The following PPP1R37 variants were observed in gnomAD, a reference collection of about 807,000 sequenced individuals.
The protein encoded by PPP1R37 is protein phosphatase 1 regulatory subunit 37.
PPP1R37 carries 21 observed loss-of-function variants against 61.0 expected under a neutral mutation model. That is an observed-to-expected ratio of 0.34 (90% CI 0.24 to 0.50). PPP1R37 has a LOEUF of 0.50. Ranked by LOEUF, PPP1R37 falls within the 20% of genes least tolerant of loss-of-function variation. The probability of loss-of-function intolerance (pLI) is 0.98; values close to 1 mark genes in which losing one functional copy is unlikely to be tolerated. For synonymous variants in PPP1R37, 443 were observed against 433.5 expected, an observed-to-expected ratio of 1.02 and a Z score of -0.27; for missense variants, 910 against 952.7, an observed-to-expected ratio of 0.96 and a Z score of 0.59.
intron 11 of PPP1R37, 84 bp downstream of exon 11, chr19:45,146,133 A>C (rs1017496282): frequency 7.4e-7 from 1 of 1,351,298 alleles, no homozygotes; most frequent in Admixed American, 2.7e-5. Context: ...TGTGGACCTC[A>C]GTTTCCCCCT....
In PPP1R37 at chr19:45,093,197, G is replaced by A; in HGVS notation, c.-129G>A. ...CGGCGGCGACGACTACGACCACTAGGAGAGCGGACGGAGGCGGCGCCTGAA... is the reference window on the plus strand; with the variant it reads ...CGGCGGCGACGACTACGACCACTAGAAGAGCGGACGGAGGCGGCGCCTGAA... On this transcript the variant is annotated 5_prime_UTR_variant, in exon 1 of 13. Coordinates refer to ENST00000221462, the MANE Select transcript of PPP1R37 (RefSeq NM_019121.2). The A allele has an allele frequency of 2.6e-6, 2 of 756,872 alleles. No homozygotes were observed. The highest frequency in any genetic ancestry group is 1.9e-6 in the Non-Finnish European group (1 of 532,190). The allele number at this position is 756,872 out of a possible 1,614,324, so 46.9% of individuals were successfully genotyped here. A position where few individuals can be genotyped will look rare whatever the true frequency, so the allele number is the denominator to read the frequency against.
chr19:45,093,540 G>C lies in PPP1R37; in HGVS notation c.202+13G>C. On this transcript the variant is annotated intron_variant, in intron 1 of 12. Transcript: ENST00000221462. ...CCCTGGAGACATGGTAGCTACCGCG[G>C]GTGAAGCGGGGGCGGGCTCGAGAGG... The C allele has an allele frequency of 6.5e-7, 1 of 1,526,946 alleles. No individual in the cohort carries two copies. Among genetic ancestry groups the C allele is most frequent in the South Asian group, 1.2e-5 (1 of 83,568 alleles). 94.6% of individuals were successfully genotyped at this position (1,526,946 alleles called of 1,614,324 possible).
At chr19:45,104,110 C>T (rs76080037) in intron 1 of PPP1R37, among the ~76,000 whole-genome samples, 2,216 of 152,270 alleles carry the variant, frequency 0.015, 55 homozygotes, top group African/African-American at 0.051. Flanking sequence ...GCACACCCCT[C>T]GATAGTCCCC....
At chr19:45,127,210 G>A (rs1188513929) in intron 1 of PPP1R37, among the ~76,000 whole-genome samples, 2 of 152,126 alleles carry the variant, frequency 1.3e-5, no homozygotes, top group South Asian at 2.1e-4. Flanking sequence ...TTAGCCTGGC[G>A]TGGTGGCGTG....
At chr19:45,117,000 A>G (rs1358884262) in intron 1 of PPP1R37, among the ~76,000 whole-genome samples, 5 of 146,722 alleles carry the variant, frequency 3.4e-5, no homozygotes, top group Non-Finnish European at 7.4e-5. Context: ...TGCAGCCTCC[A>G]TCTCCCAGCT....
At chr19:45,102,690 TC>T (rs1968080000) in intron 1 of PPP1R37, among the ~76,000 whole-genome samples, 1 of 152,216 alleles carries the variant, frequency 6.6e-6, no homozygotes, top group Non-Finnish European at 1.5e-5. Flanking sequence ...TCCCTTGACC[TC>T]CCTGGACCAC....
intron 1 of PPP1R37, chr19:45,128,844 G>T: frequency 1.6e-6 from 1 of 621,476 alleles, no homozygotes; most frequent in East Asian, 3.6e-5. Context: ...CCAGTTGATT[G>T]GCATCCAGGA....
At chr19:45,138,399 TG>T in intron 1 of PPP1R37, 114 bp from the exon 2 acceptor site, 11 of 684,526 alleles carry the variant, frequency 1.6e-5, no homozygotes, top group South Asian at 9.3e-5. Context: ...AGCCTGTTGT[TG>T]GGGGAGGGCT....
chr19:45,103,280 T>A (rs1968086806), intron 1 of PPP1R37, among the ~76,000 whole-genome samples: 1 of 152,204 alleles, frequency 6.6e-6, no homozygotes. Flanking sequence ...TCTGCTGACA[T>A]CCGCACAGCT....
intron 1 of PPP1R37, among the ~76,000 whole-genome samples, chr19:45,118,279 G>T (rs1335309573): frequency 6.6e-6 from 1 of 152,182 alleles, no homozygotes; most frequent in Admixed American, 6.5e-5. Context: ...AGAGTGGGTG[G>T]GAAGCCCGGG....
intron 1 of PPP1R37, among the ~76,000 whole-genome samples, chr19:45,117,213 A>C (rs967850230): frequency 6.6e-6 from 1 of 151,984 alleles, no homozygotes; most frequent in Admixed American, 6.6e-5. Flanking sequence ...GCGCCTGGCC[A>C]GGAGGTGACT....
At chr19:45,131,052 A>G (rs1337307886) in intron 1 of PPP1R37, among the ~76,000 whole-genome samples, 1 of 151,970 alleles carries the variant, frequency 6.6e-6, no homozygotes, top group Non-Finnish European at 1.5e-5. Context: ...CTGATGCCCA[A>G]CCTGTCCTTG....
chr19:45,096,316 A>T (rs1967992878), intron 1 of PPP1R37, among the ~76,000 whole-genome samples: 1 of 151,994 alleles, frequency 6.6e-6, no homozygotes, highest in African/African-American at 2.4e-5. Context: ...GCAGCAAGAG[A>T]GTCTGGCACA....
At chr19:45,102,998 G>A (rs1199709176) in intron 1 of PPP1R37, among the ~76,000 whole-genome samples, 1 of 152,212 alleles carries the variant, frequency 6.6e-6, no homozygotes, top group East Asian at 1.9e-4. Flanking sequence ...GAGGCTGGGT[G>A]CCAAAAGGAA....
chr19:45,139,312 C>T (rs1233252681), intron 2 of PPP1R37, among the ~76,000 whole-genome samples: 1 of 152,274 alleles, frequency 6.6e-6, no homozygotes, highest in Non-Finnish European at 1.5e-5. Flanking sequence ...CACCTCTTAT[C>T]TCTTGCCCCA....
chr19:45,146,361 C>G (rs74489368), intron 11 of PPP1R37, 29 bp from the exon 12 acceptor site: 2 of 1,528,138 alleles, frequency 1.3e-6, no homozygotes, highest in South Asian at 1.2e-5. Flanking sequence ...ACCCGCCTGA[C>G]GGGGGTGCTG....
At position 45,145,772 on chromosome 19, in the gene PPP1R37, C is replaced by G; in HGVS notation, c.1716C>G (p.Thr572=). 6.6e-7 allele frequency: 1 copy of G among 1,515,820 alleles called. No individual in the cohort carries two copies. The highest frequency in any genetic ancestry group is 8.8e-7 in the Non-Finnish European group (1 of 1,136,218). 93.9% of individuals were successfully genotyped at this position (1,515,820 alleles called of 1,614,324 possible). A position where few individuals can be genotyped will look rare whatever the true frequency, so the allele number is the denominator to read the frequency against. ...GGGGCCACAAGGTGTTTGTGGTGAC[C>G]CGGGTGGAGAGCCCGCCCGAGAGGG... ...PGRGHKVFVV[T]RVESPPERAE... The change falls in exon 11 of 13, where the codon ACC becomes ACG. Residue 572 remains threonine (T), a synonymous_variant. Transcript: ENST00000221462.
chr19:45,129,261 G>A (rs1599704987), intron 1 of PPP1R37, among the ~76,000 whole-genome samples: 2 of 152,100 alleles, frequency 1.3e-5, no homozygotes, highest in Non-Finnish European at 2.9e-5. Context: ...TTCCCTGCTC[G>A]CACTACAGCC....
intron 1 of PPP1R37, among the ~76,000 whole-genome samples, chr19:45,112,717 T>C (rs1968217105): frequency 6.6e-6 from 1 of 152,158 alleles, no homozygotes. Flanking sequence ...TAGGGATGGG[T>C]CTGCCTTCCC....
Sources: gnomAD v4.1 joint callset for allele counts (sites outside exome capture counted in the v4.1 genomes callset) on GRCh38, gnomAD v4.1.1 for gene constraint, MANE v1.5 for transcripts, NCBI Gene and HGNC (gene_info 2026-07-23, HGNC 2026-07-21) for gene names.